The following KIT variants were observed in gnomAD, a reference collection of about 807,000 sequenced individuals.
KIT encodes mast/stem cell growth factor receptor Kit.
In KIT, 16 loss-of-function variants were observed where a neutral mutation model predicts 105.7. The ratio of observed to expected loss-of-function variants is 0.15; its 90% confidence interval spans 0.10 to 0.23. The LOEUF (loss-of-function observed/expected upper bound fraction) is 0.23, where lower values mean the gene tolerates loss of function less well. Ranked by LOEUF, KIT falls within the 10% of genes least tolerant of loss-of-function variation. KIT has a pLI of 1.00. For synonymous variants in KIT, 438 were observed against 441.1 expected (o/e 0.99, Z 0.09); for missense variants, 858 against 1,213.8 (o/e 0.71, Z 4.36).
chr4:54,704,834 A>G (rs1156864349), intron 5 of KIT, among the ~76,000 whole-genome samples: 1 of 152,150 alleles, frequency 6.6e-6, no homozygotes, highest in Non-Finnish European at 1.5e-5. Flanking sequence ...ATTTGTTTTC[A>G]TCTCTTTCCC....
At chr4:54,675,858 T>TAGTGCACCA (rs1718427436) in intron 1 of KIT, among the ~76,000 whole-genome samples, 1 of 152,128 alleles carries the variant, frequency 6.6e-6, no homozygotes, top group African/African-American at 2.4e-5. Flanking sequence ...TGCACCAGAT[T>TAGTGCACCA]GAGGTCTGAT....
chr4:54,696,723 T>C (rs1720094565), intron 2 of KIT, among the ~76,000 whole-genome samples: 1 of 152,260 alleles, frequency 6.6e-6, no homozygotes, highest in Non-Finnish European at 1.5e-5. Context: ...AATTCTAACA[T>C]GCTCCATCAG....
intron 3 of KIT, among the ~76,000 whole-genome samples, 178 bp from the exon 4 acceptor site, chr4:54,699,452 C>G (rs1450545899): frequency 4.6e-5 from 7 of 152,168 alleles, no homozygotes; most frequent in East Asian, 1.9e-4. Context: ...TTGAAGGATG[C>G]TTGATTTAAT....
chr4:54,728,161 T>C, intron 13 of KIT, 40 bp downstream of exon 13: 1 of 1,391,782 alleles, frequency 7.2e-7, no homozygotes. Flanking sequence ...GTCTGTCAGG[T>C]TATCAAAACA....
chr4:54,660,739 C>T (rs1333081505), intron 1 of KIT, among the ~76,000 whole-genome samples: 1 of 152,100 alleles, frequency 6.6e-6, no homozygotes, highest in Non-Finnish European at 1.5e-5. Flanking sequence ...TAAGGATAAG[C>T]CCTAAATCAT....
intron 1 of KIT, among the ~76,000 whole-genome samples, chr4:54,678,338 T>G: frequency 1.0e-5 from 1 of 96,320 alleles, no homozygotes; most frequent in Non-Finnish European, 2.0e-5. Flanking sequence ...CCTTCCTTCC[T>G]TCCTTCCTTC....
intron 14 of KIT, among the ~76,000 whole-genome samples, chr4:54,730,587 C>T (rs1035485872): frequency 6.6e-6 from 1 of 151,918 alleles, no homozygotes. Flanking sequence ...AGAAATGAGC[C>T]ATTTTGCTTC....
At chr4:54,693,273 C>T (rs1275183028) in intron 1 of KIT, among the ~76,000 whole-genome samples, 3 of 152,186 alleles carry the variant, frequency 2.0e-5, no homozygotes, top group South Asian at 2.1e-4. Context: ...GTGGCATCTG[C>T]CCTTAGAGCC....
intron 1 of KIT, among the ~76,000 whole-genome samples, chr4:54,678,362 C>T (rs1196097976): frequency 1.5e-4 from 21 of 135,544 alleles, no homozygotes; most frequent in Non-Finnish European, 2.0e-4. Context: ...CCCTCCCTCC[C>T]TCCCTCCCTC....
At chr4:54,673,125 T>C (rs1210690448) in intron 1 of KIT, among the ~76,000 whole-genome samples, 3 of 152,218 alleles carry the variant, frequency 2.0e-5, no homozygotes, top group Non-Finnish European at 4.4e-5. Flanking sequence ...TAGTATTGGC[T>C]GCTGTAGGTT....
rs568411587 is a variant in KIT, at chr4:54,707,385, T to C, written c.1115+98T>C. The C allele has an allele frequency of 7.3e-5, 64 of 871,990 alleles. 2 individuals carry two copies. Among genetic ancestry groups the C allele is most frequent in the South Asian group, 7.1e-4 (50 of 70,618 alleles). The allele number at this position is 871,990 out of a possible 1,614,324, so 54.0% of individuals were successfully genotyped here. ...TGTAACCCGTAAATCCACGAGAAGATACCTGGTAAAGAAGAAAGTCTGGGG... is the reference window on the plus strand; with the variant it reads ...TGTAACCCGTAAATCCACGAGAAGACACCTGGTAAAGAAGAAAGTCTGGGG... On this transcript the variant is annotated intron_variant, in intron 6 of 20. Transcript: ENST00000288135.
chr4:54,658,144 G>T, intron 1 of KIT, 63 bp downstream of exon 1: 1 of 1,523,252 alleles, frequency 6.6e-7, no homozygotes, highest in South Asian at 1.1e-5. Flanking sequence ...GCCTGGGAGG[G>T]TGGTACCCGC....
intron 9 of KIT, 63 bp downstream of exon 9, chr4:54,726,113 A>G (rs767493166): frequency 7.4e-7 from 1 of 1,344,816 alleles, no homozygotes; most frequent in Non-Finnish European, 1.1e-6. Flanking sequence ...ATCAGTCATG[A>G]TTTTAAGTTC....
intron 7 of KIT, among the ~76,000 whole-genome samples, chr4:54,710,088 C>T (rs1046022988): frequency 1.3e-5 from 2 of 152,216 alleles, no homozygotes; most frequent in African/African-American, 2.4e-5. Flanking sequence ...GGGAGATGGC[C>T]ATGGGCACCT....
chr4:54,700,918 T>C (rs1203179202), intron 4 of KIT, among the ~76,000 whole-genome samples: 3 of 152,264 alleles, frequency 2.0e-5, no homozygotes, highest in Non-Finnish European at 2.9e-5. Flanking sequence ...TTTTGTATCA[T>C]ATAATGTAAT....
At chr4:54,703,565 G>C (rs1404345237) in intron 4 of KIT, among the ~76,000 whole-genome samples, 159 bp from the exon 5 acceptor site, 1 of 152,162 alleles carries the variant, frequency 6.6e-6, no homozygotes, top group Non-Finnish European at 1.5e-5. Flanking sequence ...TCCAATGACA[G>C]ACTTGTCATG....
rs764547176 is a variant in KIT at position 54,732,036 on chromosome 4, G to GT, written c.2361+45dup. The GT allele has an allele frequency of 1.4e-5, 14 of 994,266 alleles. No homozygotes were observed. In the African/African-American group the frequency reaches 1.5e-4, roughly 11 times the overall value. 61.6% of individuals were successfully genotyped at this position (994,266 alleles called of 1,614,324 possible). ...GATTCTCTAAAGAGTTTTGTGTTTT[G>GT]TTTTTTTGATTTTTTTTTTTTTTTT... On this transcript the variant is annotated intron_variant, in intron 16 of 20. Transcript: ENST00000288135.
chr4:54,695,379 C>A, intron 1 of KIT, 133 bp from the exon 2 acceptor site: 2 of 893,630 alleles, frequency 2.2e-6, no homozygotes, highest in Non-Finnish European at 3.6e-6. Flanking sequence ...CTCTTTTCAG[C>A]CATAAATAGC....
intron 1 of KIT, among the ~76,000 whole-genome samples, chr4:54,691,949 A>C (rs536451445): frequency 6.6e-6 from 1 of 152,188 alleles, no homozygotes; most frequent in Admixed American, 6.5e-5. Flanking sequence ...AACTCTTCCC[A>C]TACATAGGAA....
Sources: gnomAD v4.1 joint callset for allele counts (sites outside exome capture counted in the v4.1 genomes callset) on GRCh38, gnomAD v4.1.1 for gene constraint, MANE v1.5 for transcripts, NCBI Gene and HGNC (gene_info 2026-07-23, HGNC 2026-07-21) for gene names.